Variants in ZFHX3 observed in about 807,000 individuals in gnomAD.
ZFHX3 encodes the protein zinc finger homeobox 3.
A neutral mutation model predicts 279.1 loss-of-function variants in ZFHX3; 42 were observed. That is an observed-to-expected ratio of 0.15 (90% confidence interval 0.12 to 0.19). ZFHX3 has a LOEUF of 0.19. Ranked by LOEUF, ZFHX3 falls within the 10% of genes least tolerant of loss-of-function variation. The pLI, the probability that ZFHX3 is intolerant of heterozygous loss-of-function variation, is 1.00. For missense variants in ZFHX3, 4,981 were observed against 4,754.0 expected (o/e 1.05, Z -1.40); for synonymous variants, 2,293 against 1,957.8 (o/e 1.17, Z -4.52).
At chr16:73,360,259 T>G (rs2016413866) in intron 3 of ZFHX3, among the ~76,000 whole-genome samples, 1 of 152,230 alleles carries the variant, frequency 6.6e-6, no homozygotes, top group African/African-American at 2.4e-5. Flanking sequence ...TAGACTAATT[T>G]AATTATCACA....
chr16:73,536,694 T>G (rs954433667), intron 2 of ZFHX3, among the ~76,000 whole-genome samples: 2 of 152,180 alleles, frequency 1.3e-5, no homozygotes, highest in Non-Finnish European at 2.9e-5. Context: ...ATCACATCAG[T>G]TAGGCTTGAT....
chr16:72,893,619 A>T (rs537985888), intron 3 of ZFHX3, among the ~76,000 whole-genome samples: 1 of 152,238 alleles, frequency 6.6e-6, no homozygotes, highest in Non-Finnish European at 1.5e-5. Flanking sequence ...ACAATCTCTT[A>T]CACTGCCATG....
At chr16:73,881,100 T>A (rs932120542) in intron 1 of ZFHX3, among the ~76,000 whole-genome samples, 2 of 152,074 alleles carry the variant, frequency 1.3e-5, no homozygotes, top group African/African-American at 4.8e-5. Flanking sequence ...TTTTGTGGAG[T>A]GTTTCTTTCT....
At chr16:73,766,591 A>G (rs978992586) in intron 1 of ZFHX3, among the ~76,000 whole-genome samples, 5 of 152,212 alleles carry the variant, frequency 3.3e-5, no homozygotes, top group African/African-American at 1.2e-4. Flanking sequence ...AAATTCAAGA[A>G]GAGCTGAAGC....
chr16:73,346,957 T>C (rs188798659), intron 3 of ZFHX3, among the ~76,000 whole-genome samples: 59 of 152,330 alleles, frequency 3.9e-4, no homozygotes, highest in African/African-American at 1.3e-3. Context: ...TTAATCTTCA[T>C]GTTCACTATA....
intron 2 of ZFHX3, among the ~76,000 whole-genome samples, chr16:73,478,698 G>T (rs1237828366): frequency 1.3e-5 from 2 of 152,088 alleles, no homozygotes; most frequent in Non-Finnish European, 2.9e-5. Flanking sequence ...ATCTGATAGG[G>T]TGTCGTACAG....
At chr16:73,094,743 T>C (rs1043478103) in intron 7 of ZFHX3, among the ~76,000 whole-genome samples, 4 of 152,168 alleles carry the variant, frequency 2.6e-5, no homozygotes, top group Non-Finnish European at 5.9e-5. Context: ...GGAGTCTTGC[T>C]TTTTTGCCCA....
At chr16:73,875,732 G>A (rs1057424401) in intron 1 of ZFHX3, among the ~76,000 whole-genome samples, 2 of 152,096 alleles carry the variant, frequency 1.3e-5, no homozygotes, top group Non-Finnish European at 2.9e-5. Context: ...AATAACAAAA[G>A]CATGATGAAC....
intron 5 of ZFHX3, among the ~76,000 whole-genome samples, chr16:73,230,957 G>A (rs2012753355): frequency 6.6e-6 from 1 of 152,334 alleles, no homozygotes; most frequent in Non-Finnish European, 1.5e-5. Flanking sequence ...TATCTCAAAG[G>A]CGACACAGCC....
At chr16:73,710,307 G>A (rs1232973521) in intron 1 of ZFHX3, among the ~76,000 whole-genome samples, 1 of 152,240 alleles carries the variant, frequency 6.6e-6, no homozygotes, top group Non-Finnish European at 1.5e-5. Context: ...TAACGATCAT[G>A]TGGTCACTTT....
Position 73,147,156 on chromosome 16 carries a change from G to A in ZFHX3, c.-1103-3325C>T, listed in dbSNP as rs1407657029. Among the ~76,000 whole-genome samples, 3 of 152,152 alleles carry A rather than the reference G, an allele frequency of 2.0e-5. No individual in the cohort carries two copies. In the East Asian group the frequency reaches 5.8e-4, roughly 29 times the overall value. Reference sequence around the variant, plus strand: ...TGCCAATATGGTATGATGGCATATGGGGAGACGTTGGCATGACTCGAGGTA... The same window carrying A: ...TGCCAATATGGTATGATGGCATATGAGGAGACGTTGGCATGACTCGAGGTA... On this transcript the variant is annotated intron_variant, in intron 5 of 17. Transcript: ENST00000641206.
intron 1 of ZFHX3, among the ~76,000 whole-genome samples, chr16:73,873,365 T>C (rs1417278095): frequency 6.6e-6 from 1 of 151,926 alleles, no homozygotes; most frequent in Non-Finnish European, 1.5e-5. Flanking sequence ...CAAATCTCAT[T>C]TGAAAAGCAA....
chr16:73,818,505 T>G (rs1466280253), intron 1 of ZFHX3, among the ~76,000 whole-genome samples: 2 of 152,210 alleles, frequency 1.3e-5, no homozygotes, highest in Non-Finnish European at 1.5e-5. Flanking sequence ...AAAGCTCCTG[T>G]GAGGCTGAAA....
chr16:73,581,481 A>G (rs1315184225), intron 2 of ZFHX3, among the ~76,000 whole-genome samples: 1 of 151,632 alleles, frequency 6.6e-6, no homozygotes, highest in Admixed American at 6.6e-5. Flanking sequence ...GTTTTACACA[A>G]ATGGATGCTT....
At chr16:73,163,516 G>T (rs1567406902) in intron 5 of ZFHX3, among the ~76,000 whole-genome samples, 2 of 152,238 alleles carry the variant, frequency 1.3e-5, no homozygotes, top group African/African-American at 4.8e-5. Context: ...ACAGTTGAGA[G>T]TAGTTGCAAC....
At position 73,237,528 on chromosome 16, in the gene ZFHX3, C is replaced by CTTT. The variant is rs886922274; in HGVS notation, c.-1104+19516_-1104+19518dup. 2.8e-3 allele frequency among the ~76,000 whole-genome samples: 236 copies of CTTT among 84,132 alleles called. 5 individuals carry two copies. Among genetic ancestry groups the CTTT allele is most frequent in the East Asian group, 0.021 (61 of 2,906 alleles). 55.2% of individuals were successfully genotyped at this position (84,132 alleles called of 152,430 possible). ...ATGGGTGTGAGCCACCAAATGCAGC[C>CTTT]TTTTTTTTTTTTTTTTTTTTTTTGG... On this transcript the variant is annotated intron_variant, in intron 5 of 17. Transcript: ENST00000641206.
chr16:73,523,825 G>C (rs11859485), intron 2 of ZFHX3, among the ~76,000 whole-genome samples: 9 of 152,044 alleles, frequency 5.9e-5, no homozygotes, highest in African/African-American at 2.2e-4. Context: ...TGGCAATTCA[G>C]ACATCCACCA....
intron 1 of ZFHX3, among the ~76,000 whole-genome samples, chr16:73,711,503 C>T (rs113411648): frequency 6.6e-6 from 1 of 152,042 alleles, no homozygotes; most frequent in African/African-American, 2.4e-5. Flanking sequence ...GGAAATGGCC[C>T]GCTGCTGGCA....
At chr16:73,258,924 C>G (rs949185512) in intron 4 of ZFHX3, among the ~76,000 whole-genome samples, 3 of 152,168 alleles carry the variant, frequency 2.0e-5, no homozygotes, top group African/African-American at 4.8e-5. Flanking sequence ...CCTGAGTAGT[C>G]TCATAAATAA....
Sources: gnomAD v4.1 joint callset for allele counts (sites outside exome capture counted in the v4.1 genomes callset) on GRCh38, gnomAD v4.1.1 for gene constraint, MANE v1.5 for transcripts, NCBI Gene and HGNC (gene_info 2026-07-23, HGNC 2026-07-21) for gene names.